The following SNRNP200 variants were observed in gnomAD, a reference collection of about 807,000 sequenced individuals.
SNRNP200 encodes U5 small nuclear ribonucleoprotein 200 kDa helicase.
SNRNP200 carries 66 observed loss-of-function variants against 255.2 expected under a neutral mutation model. That is an observed-to-expected ratio of 0.26 (90% CI 0.21 to 0.32). The LOEUF (loss-of-function observed/expected upper bound fraction) is 0.32, where lower values mean the gene tolerates loss of function less well. Among genes scored for constraint, SNRNP200 ranks in the 10% least tolerant of loss-of-function variants. SNRNP200 has a pLI of 1.00. For missense variants in SNRNP200, 1,585 were observed against 2,749.8 expected (o/e 0.58, Z 9.47); for synonymous variants, 939 against 1,027.8 (o/e 0.91, Z 1.65).
chr2:96,298,248 T>G, intron 9 of SNRNP200, 36 bp downstream of exon 9: 4 of 1,614,108 alleles, frequency 2.5e-6, no homozygotes, highest in Non-Finnish European at 3.4e-6. Flanking sequence ...CACCGTTAGC[T>G]CAGAAATCAG....
In SNRNP200 at chr2:96,304,705, T is replaced by A; in HGVS notation, c.209A>T (p.Lys70Met). The stretch of plus-strand genomic sequence containing the variant: ...AAAATAGTATCCCCTTGGCACTCAC[T>A]TGGCTCTTCTTTCCTCCTGCATCTG... ...KPQMQEERRA[K>M]RRKRDEDRHD... is the part of the protein sequence containing the mutation. The change falls in exon 2 of 45, where the codon AAG becomes ATG. Residue 70 changes from lysine to methionine, a missense_variant and splice_region_variant. This residue lies in a region of SNRNP200 where 383 missense variants were observed against 645.3 expected (regional missense o/e 0.59). Transcript: ENST00000323853. 6.2e-7 allele frequency: 1 copy of A among 1,614,108 alleles called. No individual in the cohort carries two copies. Among genetic ancestry groups the A allele is most frequent in the Non-Finnish European group, 8.5e-7 (1 of 1,179,946 alleles).
intron 3 of SNRNP200, 94 bp from the exon 4 acceptor site, chr2:96,301,810 A>T: frequency 7.5e-7 from 1 of 1,330,602 alleles, no homozygotes; most frequent in Admixed American, 1.8e-5. Context: ...GAAGAGCCAC[A>T]CCTCTTCAAA....
chr2:96,285,391 C>T (rs373575947), intron 29 of SNRNP200, 51 bp from the exon 30 acceptor site: 471 of 1,580,864 alleles, frequency 3.0e-4, no homozygotes, highest in Non-Finnish European at 3.9e-4. Context: ...GAAGAAGAGA[C>T]GGACTGGGAC....
At chr2:96,299,536 T>C in intron 5 of SNRNP200, 109 bp from the exon 6 acceptor site, 1 of 945,004 alleles carries the variant, frequency 1.1e-6, no homozygotes, top group Non-Finnish European at 1.7e-6. Flanking sequence ...GAAATGGCTT[T>C]GGGGTGAAAC....
intron 12 of SNRNP200, 51 bp downstream of exon 12, chr2:96,296,882 G>C (rs773775259): frequency 1.2e-6 from 2 of 1,612,702 alleles, no homozygotes; most frequent in Non-Finnish European, 1.7e-6. Flanking sequence ...TCTTGCAACG[G>C]AAACTCCACA....
At chr2:96,304,180 G>C (rs1283013917) in intron 2 of SNRNP200, among the ~76,000 whole-genome samples, 1 of 151,322 alleles carries the variant, frequency 6.6e-6, no homozygotes, top group African/African-American at 2.4e-5. Flanking sequence ...AAGACACCAA[G>C]ATATTCAGGA....
Position 96,274,550 on chromosome 2 carries a change from T to G in SNRNP200, c.*462A>C, listed in dbSNP as rs917485439. 1 of 257,850 alleles carries G rather than the reference T, an allele frequency of 3.9e-6. No individual in the cohort carries two copies. The highest frequency in any genetic ancestry group is 7.6e-6 in the Non-Finnish European group (1 of 131,204). 16.0% of individuals were successfully genotyped at this position (257,850 alleles called of 1,614,324 possible). On this transcript the variant is annotated 3_prime_UTR_variant, in exon 45 of 45. Transcript: ENST00000323853. The stretch of plus-strand genomic sequence containing the variant: ...CCACTGAGGCCAGGCCACAGTCGCA[T>G]GTACCCTCCTCTGGGCTGACTCACG...
At position 96,305,514 on chromosome 2, in the gene SNRNP200, C is replaced by T; in HGVS notation, c.-77G>A. 2 of 1,595,042 alleles carry T rather than the reference C, an allele frequency of 1.3e-6. No homozygotes were observed. The highest frequency in any genetic ancestry group is 1.7e-6 in the Non-Finnish European group (2 of 1,166,164). On this transcript the variant is annotated 5_prime_UTR_variant, in exon 1 of 45. Coordinates refer to ENST00000323853, the MANE Select transcript of SNRNP200 (RefSeq NM_014014.5). Reference sequence around the variant, plus strand: ...GCAAACGGCCGCAGATCTCTGCTCCCGCCGCGCCGGAACGACGCAGGAAAG... The same window carrying T: ...GCAAACGGCCGCAGATCTCTGCTCCTGCCGCGCCGGAACGACGCAGGAAAG...
At chr2:96,294,714 T>C (rs1276979903) in intron 14 of SNRNP200, among the ~76,000 whole-genome samples, 3 of 152,230 alleles carry the variant, frequency 2.0e-5, no homozygotes, top group African/African-American at 7.2e-5. Context: ...TTTCTGTGTA[T>C]ATGGAATACA....
chr2:96,299,410 T>C lies in SNRNP200; in HGVS notation c.648A>G (p.Val216=), dbSNP rs773710448. ...ATGCCTCTTCTCGAACCTCCCCGTA[T>C]ACGTCTTCATCACCTTCCTGTGGAA... ...ESDEEEGDED[V]YGEVREEASD... Residue 216 remains valine (V), a synonymous_variant, in exon 6 of 45, where the codon GTA becomes GTG. Transcript: ENST00000323853. The C allele has an allele frequency of 6.2e-7, 1 of 1,614,008 alleles. No individual in the cohort carries two copies. Among genetic ancestry groups the C allele is most frequent in the East Asian group, 2.2e-5 (1 of 44,880 alleles).
At chr2:96,281,611 A>G in intron 35 of SNRNP200, 1 of 581,520 alleles carries the variant, frequency 1.7e-6, no homozygotes, top group East Asian at 3.1e-5. Context: ...CAGCTGCTGA[A>G]TAAGGAAGCA....
Position 96,303,146 on chromosome 2 carries a change from A to G in SNRNP200, c.381+13T>C. ...ATAAAGACCTAATATATATTTCACA[A>G]TATCACACTCACCTGGTCCCCAAGA... On this transcript the variant is annotated intron_variant, in intron 3 of 44. Coordinates refer to ENST00000323853, the MANE Select transcript of SNRNP200 (RefSeq NM_014014.5). 1.2e-6 allele frequency: 2 copies of G among 1,613,742 alleles called. No individual in the cohort carries two copies. Among genetic ancestry groups the G allele is most frequent in the Non-Finnish European group, 1.7e-6 (2 of 1,179,642 alleles).
intron 3 of SNRNP200, 59 bp from the exon 4 acceptor site, chr2:96,301,775 C>A: frequency 6.3e-7 from 1 of 1,588,798 alleles, no homozygotes; most frequent in Non-Finnish European, 8.6e-7. Context: ...ACATCTTCAA[C>A]CAGGTGTATG....
chr2:96,281,996 G>A (rs1684769126), intron 34 of SNRNP200, 74 bp from the exon 35 acceptor site: 3 of 1,141,218 alleles, frequency 2.6e-6, no homozygotes, highest in Non-Finnish European at 2.6e-6. Flanking sequence ...CTCATGGGCA[G>A]GCCGTGGCTT....
intron 29 of SNRNP200, 36 bp from the exon 30 acceptor site, chr2:96,285,376 A>G (rs756499706): frequency 6.2e-7 from 1 of 1,607,234 alleles, no homozygotes; most frequent in Admixed American, 1.7e-5. Context: ...GTAAGTATCA[A>G]GAAGGAAGAA....
At position 96,274,587 on chromosome 2, in the gene SNRNP200, G is replaced by T. The variant is rs767463028; in HGVS notation, c.*425C>A. On this transcript the variant is annotated 3_prime_UTR_variant, in exon 45 of 45. Coordinates refer to ENST00000323853, the MANE Select transcript of SNRNP200 (RefSeq NM_014014.5). Reference sequence around the variant, plus strand: ...TGGGCTGACTCACGAGGCTACAGGGGACAGCACACCTAATGAGCAGGTCTG... The same window carrying T: ...TGGGCTGACTCACGAGGCTACAGGGTACAGCACACCTAATGAGCAGGTCTG... 5 of 316,432 alleles carry T rather than the reference G, an allele frequency of 1.6e-5. No individual in the cohort carries two copies. Among genetic ancestry groups the T allele is most frequent in the Non-Finnish European group, 3.1e-5 (5 of 163,434 alleles). 19.6% of individuals were successfully genotyped at this position (316,432 alleles called of 1,614,324 possible).
chr2:96,288,094 GTCCC>G, intron 24 of SNRNP200, 125 bp from the exon 25 acceptor site: 1 of 810,300 alleles, frequency 1.2e-6, no homozygotes, highest in Non-Finnish European at 2.1e-6. Flanking sequence ...CAAAGGCAAA[GTCCC>G]CTCTGTCTTT....
Position 96,288,824 on chromosome 2 carries a change from G to T in SNRNP200, c.3175-78C>A, listed in dbSNP as rs1019625361. 3 of 1,266,148 alleles carry T rather than the reference G, an allele frequency of 2.4e-6. No homozygotes were observed. In the Admixed American group the frequency reaches 5.1e-5, roughly 22 times the overall value. 78.4% of individuals were successfully genotyped at this position (1,266,148 alleles called of 1,614,324 possible). A position where few individuals can be genotyped will look rare whatever the true frequency, so the allele number is the denominator to read the frequency against. ...AAAGGGAATTACATTTCTGCTCTGA[G>T]CATCCAGGCCAGGTGAGATTTGCTA... On this transcript the variant is annotated intron_variant, in intron 23 of 44. Transcript: ENST00000323853.
chr2:96,284,408 T>G lies in SNRNP200; in HGVS notation c.4342A>C (p.Ile1448Leu), dbSNP rs925588105. Residue 1448 changes from isoleucine to leucine, a missense_variant, in exon 31 of 45, where the codon ATC (isoleucine) becomes CTC (leucine). This residue lies in a region of SNRNP200 where 719 missense variants were observed against 1,091.1 expected (regional missense o/e 0.66). Transcript: ENST00000323853. ...RWKQRKNVQN[I>L]NLFVVDEVHL... ...ACCTCATCCACCACGAAGAGGTTGA[T>G]GTTCTGCACGTTCTTGCGCTGCTTC... 16 of 1,614,070 alleles carry G rather than the reference T, an allele frequency of 9.9e-6. No individual in the cohort carries two copies. The highest frequency in any genetic ancestry group is 1.4e-5 in the Non-Finnish European group (16 of 1,180,040).
Sources: allele counts gnomAD v4.1 joint callset (sites outside exome capture counted in the v4.1 genomes callset), GRCh38; gene constraint gnomAD v4.1.1; regional missense constraint gnomAD v4.1.1; transcripts MANE v1.5; gene names NCBI Gene and HGNC (gene_info 2026-07-23, HGNC 2026-07-21).